Variants in CKM observed in about 807,000 individuals in gnomAD.
CKM encodes the protein creatine kinase M-type.
CKM carries 28 observed loss-of-function variants against 35.4 expected under a neutral mutation model. The ratio of observed to expected loss-of-function variants is 0.79; its 90% CI spans 0.59 to 1.08. CKM has a LOEUF of 1.08. Ranked by LOEUF, CKM falls within the 50% of genes least tolerant of loss-of-function variation. CKM has a pLI of 0.00. For synonymous variants in CKM, 215 were observed against 204.4 expected (o/e 1.05, Z -0.44); for missense variants, 484 against 509.8 (o/e 0.95, Z 0.49).
At chr19:45,316,767 CCACCCTTTT>C (rs1971162235) in intron 3 of CKM, among the ~76,000 whole-genome samples, 1 of 151,706 alleles carries the variant, frequency 6.6e-6, no homozygotes, top group South Asian at 2.1e-4. Context: ...GCCTCTCCCC[CCACCCTTTT>C]TTTTTTAGGC....
At chr19:45,308,358 T>C (rs777419233) in intron 6 of CKM, 51 bp downstream of exon 6, 1 of 1,611,584 alleles carries the variant, frequency 6.2e-7, no homozygotes, top group Non-Finnish European at 8.5e-7. Context: ...GGAAAGCAGG[T>C]GGGGCGTTCA....
At chr19:45,308,904 C>G (rs1971080908) in intron 5 of CKM, among the ~76,000 whole-genome samples, 1 of 152,120 alleles carries the variant, frequency 6.6e-6, no homozygotes, top group Non-Finnish European at 1.5e-5. Context: ...AGCTCCCAAT[C>G]CTAGCATCTC....
At chr19:45,314,410 G>T (rs1444210687) in intron 4 of CKM, among the ~76,000 whole-genome samples, 4 of 151,902 alleles carry the variant, frequency 2.6e-5, no homozygotes, top group Non-Finnish European at 5.9e-5. Flanking sequence ...TACAGTATAG[G>T]ATAAACATAA....
intron 4 of CKM, among the ~76,000 whole-genome samples, chr19:45,313,013 G>A (rs1462093208): frequency 2.0e-5 from 3 of 151,358 alleles, no homozygotes; most frequent in African/African-American, 7.3e-5. Flanking sequence ...TAAAATATGT[G>A]TATAATGAAT....
intron 2 of CKM, among the ~76,000 whole-genome samples, chr19:45,318,236 C>T (rs946133297): frequency 6.6e-5 from 10 of 151,960 alleles, no homozygotes; most frequent in African/African-American, 2.4e-4. Context: ...GGTGAAACCC[C>T]ATCTCTGCTA....
At chr19:45,313,559 T>G (rs1008895624) in intron 4 of CKM, among the ~76,000 whole-genome samples, 1 of 152,156 alleles carries the variant, frequency 6.6e-6, no homozygotes, top group African/African-American at 2.4e-5. Context: ...AATAAAAAGC[T>G]TCATAGGCCA....
intron 3 of CKM, 135 bp downstream of exon 3, chr19:45,317,690 T>C: frequency 9.9e-7 from 1 of 1,014,512 alleles, no homozygotes; most frequent in East Asian, 2.6e-5. Flanking sequence ...CCAATGTCCC[T>C]CTCTCTTTCC....
chr19:45,322,851 T>G lies in CKM; in HGVS notation c.-49A>C, dbSNP rs1298739216. The G allele has an allele frequency of 1.0e-6, 1 of 985,988 alleles. No individual in the cohort carries two copies. The highest frequency in any genetic ancestry group is 1.1e-4 in the East Asian group (1 of 8,852). The allele number at this position is 985,988 out of a possible 1,614,324, so 61.1% of individuals were successfully genotyped here. On this transcript the variant is annotated 5_prime_UTR_variant, in exon 1 of 8. Transcript: ENST00000221476. ...TGGGCTGGGCTGAAGGGGGGCTGTC[T>G]GTATCCTGGAGGTGACACTGACCCA...
chr19:45,311,297 G>A (rs910001030), intron 5 of CKM, among the ~76,000 whole-genome samples: 1 of 150,728 alleles, frequency 6.6e-6, no homozygotes, highest in Non-Finnish European at 1.5e-5. Context: ...GCAGTGGCAC[G>A]ATCTCGGCTC....
rs1296377155 is a variant in CKM at position 45,306,441 on chromosome 19, T to C, written c.*309A>G. On this transcript the variant is annotated 3_prime_UTR_variant, in exon 8 of 8. Transcript: ENST00000221476. The surrounding 1 kb of genome is among the most constrained non-coding windows in gnomAD (Gnocchi z 4.5). ...GGCCACCAATGCTTTTATTTATCGC[T>C]TTGCGTGGAGACAAAGCACAAGCTC... 1.1e-5 allele frequency: 5 copies of C among 453,402 alleles called. No individual in the cohort carries two copies. Among genetic ancestry groups the C allele is most frequent in the Non-Finnish European group, 1.6e-5 (4 of 245,158 alleles). The allele number at this position is 453,402 out of a possible 1,614,324, so 28.1% of individuals were successfully genotyped here. A position where few individuals can be genotyped will look rare whatever the true frequency, so the allele number is the denominator to read the frequency against.
At chr19:45,320,719 G>A (rs1031295118) in intron 1 of CKM, among the ~76,000 whole-genome samples, 1 of 152,154 alleles carries the variant, frequency 6.6e-6, no homozygotes, top group Non-Finnish European at 1.5e-5. Flanking sequence ...ACAACCAGCT[G>A]TGTGGCCAGG....
In CKM at chr19:45,306,732, T is replaced by C. The variant is rs751246477; in HGVS notation, c.*18A>G. ...CCACTGGCTGGGTTCCAGCAGTCGG[T>C]GGCAGGTGGGCAGGCGCCTACTTCT... On this transcript the variant is annotated 3_prime_UTR_variant, in exon 8 of 8. Coordinates refer to ENST00000221476, the MANE Select transcript of CKM (RefSeq NM_001824.5). The surrounding 1 kb of genome is among the most constrained non-coding windows in gnomAD (Gnocchi z 4.5). The C allele has an allele frequency of 6.2e-7, 1 of 1,613,748 alleles. No individual in the cohort carries two copies. Among genetic ancestry groups the C allele is most frequent in the Non-Finnish European group, 8.5e-7 (1 of 1,179,914 alleles).
chr19:45,317,576 C>T (rs528064450), intron 3 of CKM, among the ~76,000 whole-genome samples: 87 of 151,960 alleles, frequency 5.7e-4, no homozygotes, highest in Non-Finnish European at 1.1e-3. Flanking sequence ...CGTGAGCCAC[C>T]GCCGTGCCCA....
intron 2 of CKM, 69 bp downstream of exon 2, chr19:45,319,452 A>T: frequency 2.5e-6 from 3 of 1,210,276 alleles, no homozygotes; most frequent in Non-Finnish European, 3.6e-6. Flanking sequence ...GGGTGGTGGG[A>T]TTGGGGCATG....
At chr19:45,321,692 C>A (rs1971214719) in intron 1 of CKM, among the ~76,000 whole-genome samples, 1 of 152,112 alleles carries the variant, frequency 6.6e-6, no homozygotes. Flanking sequence ...CTCCTGGCCT[C>A]AAGTGATCCT....
rs1267659567 is a variant in CKM, at chr19:45,319,554, C to G, written c.160G>C (p.Asp54His). The G allele has an allele frequency of 1.2e-6, 2 of 1,614,088 alleles. No individual in the cohort carries two copies. The highest frequency in any genetic ancestry group is 1.7e-6 in the Non-Finnish European group (2 of 1,180,010). The change falls in exon 2 of 8, where the codon GAC (aspartate) becomes CAC (histidine). Residue 54 changes from aspartate to histidine, a missense_variant. Physicochemically the swap from Asp to His is moderately conservative, Grantham distance 81 (BLOSUM62 -1). Coordinates refer to ENST00000221476, the MANE Select transcript of CKM (RefSeq NM_001824.5). ...TCCACTCCTGTCTGGATGACATCGT[C>G]TACAGTGAAGCCAGATGGAGTCTCC... ...DKETPSGFTVDDVIQTGVDNP... is the reference protein window; with the variant it reads ...DKETPSGFTVHDVIQTGVDNP...
At position 45,311,820 on chromosome 19, in the gene CKM, G is replaced by A. The variant is rs373944704; in HGVS notation, c.582C>T (p.Phe194=). 1.1e-4 allele frequency: 170 copies of A among 1,612,648 alleles called. No homozygotes were observed. Among genetic ancestry groups the A allele is most frequent in the African/African-American group, 3.9e-4 (29 of 75,014 alleles). The change falls in exon 5 of 8, where the codon TTC becomes TTT. Residue 194 remains phenylalanine, a synonymous_variant. Coordinates refer to ENST00000221476, the MANE Select transcript of CKM (RefSeq NM_001824.5). ...QQQLIDDHFL[F]DKPVSPLLLA... Reference sequence around the variant, plus strand: ...GCAGCAGCGGGGACACGGGCTTGTCGAACAGGAAGTGGTCATCGATGAGCT... The same window carrying A: ...GCAGCAGCGGGGACACGGGCTTGTCAAACAGGAAGTGGTCATCGATGAGCT...
chr19:45,317,755 C>T, intron 3 of CKM, 70 bp downstream of exon 3: 1 of 1,517,442 alleles, frequency 6.6e-7, no homozygotes. Flanking sequence ...ATTTCTCTGT[C>T]TCCCCCCATT....
chr19:45,322,759 C>T (rs1971225172), intron 1 of CKM, 62 bp downstream of exon 1: 2 of 956,528 alleles, frequency 2.1e-6, no homozygotes, highest in Admixed American at 6.2e-5. Context: ...CAAGCCAAGC[C>T]TCTAGCACCC....
Sources: allele counts gnomAD v4.1 joint callset (sites outside exome capture counted in the v4.1 genomes callset), GRCh38; gene constraint gnomAD v4.1.1; non-coding constraint Gnocchi (gnomAD v3.1); transcripts MANE v1.5; gene names NCBI Gene and HGNC (gene_info 2026-07-23, HGNC 2026-07-21).